RALGAPA2: variants seen among roughly 807,000 people sequenced by gnomAD.
RALGAPA2 encodes Ral GTPase activating protein catalytic subunit alpha 2.
Under a neutral mutation model 230.4 loss-of-function variants are expected in RALGAPA2, and 139 were observed. The observed-to-expected ratio is 0.60, with a 90% CI of 0.53 to 0.69. The LOEUF (loss-of-function observed/expected upper bound fraction) is 0.69, where lower values mean the gene tolerates loss of function less well. Among genes scored for constraint, RALGAPA2 ranks in the 30% least tolerant of loss-of-function variants. The probability of loss-of-function intolerance (pLI) is 0.00; values close to 1 mark genes in which losing one functional copy is unlikely to be tolerated. For synonymous variants in RALGAPA2, 847 were observed against 837.8 expected, an observed-to-expected ratio of 1.01 and a Z score of -0.19; for missense variants, 2,163 against 2,276.0, an observed-to-expected ratio of 0.95 and a Z score of 1.01.
At chr20:20,463,358 C>T (rs2061345993) in intron 37 of RALGAPA2, among the ~76,000 whole-genome samples, 1 of 152,046 alleles carries the variant, frequency 6.6e-6, no homozygotes, top group African/African-American at 2.4e-5. Context: ...CATGGATAAA[C>T]GGTTCAGACA....
At chr20:20,668,092 GAA>G (rs779194840) in intron 3 of RALGAPA2, among the ~76,000 whole-genome samples, 1 of 152,322 alleles carries the variant, frequency 6.6e-6, no homozygotes, top group South Asian at 2.1e-4. Flanking sequence ...GTTTAACAAT[GAA>G]AAGTGGTCTT....
At chr20:20,656,545 G>T (rs1225833331) in intron 3 of RALGAPA2, among the ~76,000 whole-genome samples, 1 of 152,082 alleles carries the variant, frequency 6.6e-6, no homozygotes, top group African/African-American at 2.4e-5. Flanking sequence ...ATCAAAATAA[G>T]TCTTCCCCTT....
intron 35 of RALGAPA2, among the ~76,000 whole-genome samples, chr20:20,495,512 C>T (rs1015766136): frequency 6.6e-6 from 1 of 152,236 alleles, no homozygotes; most frequent in Non-Finnish European, 1.5e-5. Context: ...AGGCACATTA[C>T]AGCTGGATGG....
At chr20:20,591,096 G>T in intron 17 of RALGAPA2, 81 bp downstream of exon 17, 2 of 1,457,884 alleles carry the variant, frequency 1.4e-6, no homozygotes, top group Non-Finnish European at 1.9e-6. Flanking sequence ...CAGAATATAT[G>T]TACAAAGCAA....
chr20:20,538,884 T>C (rs2145636613), intron 24 of RALGAPA2, among the ~76,000 whole-genome samples: 1 of 152,252 alleles, frequency 6.6e-6, no homozygotes, highest in East Asian at 1.9e-4. Flanking sequence ...CCTCCCATGA[T>C]AGCCTCCCCT....
At chr20:20,673,240 A>G (rs568669792) in intron 3 of RALGAPA2, among the ~76,000 whole-genome samples, 2 of 151,622 alleles carry the variant, frequency 1.3e-5, no homozygotes, top group African/African-American at 2.4e-5. Context: ...AAATGAAAAA[A>G]AAGAAGCCAG....
intron 37 of RALGAPA2, among the ~76,000 whole-genome samples, chr20:20,458,504 T>C (rs1041721667): frequency 1.7e-4 from 24 of 139,040 alleles, no homozygotes; most frequent in Admixed American, 1.7e-3. Flanking sequence ...ATATATTATA[T>C]ATAATATATA....
chr20:20,496,223 G>A (rs2062200566), intron 35 of RALGAPA2, among the ~76,000 whole-genome samples: 1 of 151,898 alleles, frequency 6.6e-6, no homozygotes, highest in Non-Finnish European at 1.5e-5. Flanking sequence ...CTTTGAGGAG[G>A]CCTTACTAGA....
At chr20:20,659,791 G>A (rs2067708879) in intron 3 of RALGAPA2, 1 of 909,314 alleles carries the variant, frequency 1.1e-6, no homozygotes, top group South Asian at 1.3e-5. Flanking sequence ...GAAAGATGGA[G>A]AGAAGGAAAA....
intron 38 of RALGAPA2, among the ~76,000 whole-genome samples, chr20:20,403,051 G>A (rs896931400): frequency 1.3e-5 from 2 of 152,088 alleles, no homozygotes; most frequent in African/African-American, 2.4e-5. Context: ...CGCCTTTTCA[G>A]GGAGGCCTTC....
At position 20,487,584 on chromosome 20, in the gene RALGAPA2, C is replaced by T. The variant is rs549032446; in HGVS notation, c.5367+7533G>A. Reference sequence around the variant, plus strand: ...AGAAGGCGTTGGTATTAAGTGTTTCCGTTCCCCCAGGCCAGACAGGCTGTG... The same window carrying T: ...AGAAGGCGTTGGTATTAAGTGTTTCTGTTCCCCCAGGCCAGACAGGCTGTG... On this transcript the variant is annotated intron_variant, in intron 36 of 39. Transcript: ENST00000202677. Among the ~76,000 whole-genome samples, 106 of 152,242 alleles carry T rather than the reference C, an allele frequency of 7.0e-4. 2 individuals carry two copies. In the South Asian group the frequency reaches 0.021, roughly 30 times the overall value.
intron 5 of RALGAPA2, among the ~76,000 whole-genome samples, chr20:20,641,666 T>TA (rs1415573887): frequency 1.6e-3 from 206 of 129,428 alleles, no homozygotes; most frequent in Admixed American, 2.6e-3. Flanking sequence ...ATTATGTCAA[T>TA]AAAAAAAAAA....
intron 38 of RALGAPA2, among the ~76,000 whole-genome samples, chr20:20,396,993 G>A (rs905882636): frequency 6.6e-6 from 1 of 152,230 alleles, no homozygotes; most frequent in African/African-American, 2.4e-5. Context: ...GACCTTGTCA[G>A]GATCTATGCA....
At chr20:20,542,811 A>G (rs1462861281) in intron 24 of RALGAPA2, among the ~76,000 whole-genome samples, 4 of 152,078 alleles carry the variant, frequency 2.6e-5, no homozygotes, top group African/African-American at 7.2e-5. Flanking sequence ...AAAACCCTAG[A>G]AAAAAACCTA....
At chr20:20,524,661 T>C (rs933037659) in intron 29 of RALGAPA2, 118 bp from the exon 30 acceptor site, 3 of 1,369,716 alleles carry the variant, frequency 2.2e-6, no homozygotes, top group Admixed American at 2.4e-5. Context: ...GCTAGATAAG[T>C]AGGTAAGTAA....
intron 3 of RALGAPA2, among the ~76,000 whole-genome samples, chr20:20,668,715 T>C (rs2068039127): frequency 6.6e-6 from 1 of 152,070 alleles, no homozygotes; most frequent in South Asian, 2.1e-4. Flanking sequence ...CAGGAGAAAT[T>C]GGTGGGTCTA....
chr20:20,621,669 T>C (rs2066327920), intron 10 of RALGAPA2, among the ~76,000 whole-genome samples: 1 of 152,352 alleles, frequency 6.6e-6, no homozygotes, highest in Admixed American at 6.5e-5. Context: ...ATTAAGGAAT[T>C]CCCTTATACA....
At position 20,398,442 on chromosome 20, in the gene RALGAPA2, T is replaced by A. The variant is rs1296650457; in HGVS notation, c.5618-1708A>T. Among the ~76,000 whole-genome samples, 1 of 152,082 alleles carries A rather than the reference T, an allele frequency of 6.6e-6. No individual in the cohort carries two copies. The highest frequency in any genetic ancestry group is 1.5e-5 in the Non-Finnish European group (1 of 68,020). On this transcript the variant is annotated intron_variant, in intron 38 of 39. Coordinates refer to ENST00000202677, the MANE Select transcript of RALGAPA2 (RefSeq NM_020343.4). This position sits in a 1 kb window ranked among gnomAD's most constrained non-coding sequence, Gnocchi z 4.5. ...TGTCTCAGTAACTGCCAATCCATGG[T>A]TGAGTTAAGGAGATGCAAAGACAGA...
chr20:20,600,986 G>C (rs1017193063), intron 16 of RALGAPA2, among the ~76,000 whole-genome samples: 1 of 152,104 alleles, frequency 6.6e-6, no homozygotes, highest in Non-Finnish European at 1.5e-5. Flanking sequence ...TGTAATCTCA[G>C]CTACTCAGGA....
Sources: allele counts gnomAD v4.1 joint callset (sites outside exome capture counted in the v4.1 genomes callset), GRCh38; gene constraint gnomAD v4.1.1; non-coding constraint Gnocchi (gnomAD v3.1); transcripts MANE v1.5; gene names NCBI Gene and HGNC (gene_info 2026-07-23, HGNC 2026-07-21).